Variants in BRD10 observed in about 807,000 individuals in gnomAD.
The protein encoded by BRD10 is uncharacterized bromodomain-containing protein 10.
chr9:5,884,155 T>C, the BRD10 span, among the ~76,000 whole-genome samples: 5 of 152,224 alleles, frequency 3.3e-5, no homozygotes, highest in Admixed American at 3.3e-4. Flanking sequence ...AGATCTCACA[T>C]TGGTATGATT....
At chr9:5,968,802 A>G in the BRD10 span, 1 of 1,613,964 alleles carries the variant, frequency 6.2e-7, no homozygotes, top group Non-Finnish European at 8.5e-7. Flanking sequence ...TCTGCACCAC[A>G]GAACTGTGGA....
the BRD10 span, among the ~76,000 whole-genome samples, chr9:5,884,260 A>C: frequency 2.0e-5 from 3 of 152,356 alleles, no homozygotes; most frequent in Non-Finnish European, 2.9e-5. Flanking sequence ...AAATAGATTT[A>C]CTGCAAGTCT....
At chr9:5,918,926 C>A in the BRD10 span, 1 of 152,380 alleles carries the variant, frequency 6.6e-6, no homozygotes, top group Admixed American at 6.6e-5. Context: ...ATTTCCCACC[C>A]TTAATTCTTT....
chr9:6,004,234 C>G, the BRD10 span, among the ~76,000 whole-genome samples: 3 of 152,178 alleles, frequency 2.0e-5, no homozygotes, highest in African/African-American at 7.2e-5. Flanking sequence ...TCCTCTTGTA[C>G]TTTGTTCATA....
the BRD10 span, among the ~76,000 whole-genome samples, chr9:5,931,761 T>A: frequency 2.6e-5 from 4 of 152,222 alleles, no homozygotes; most frequent in African/African-American, 9.6e-5. Context: ...AAATGCTTTG[T>A]CTAGCAGATA....
the BRD10 span, chr9:5,919,642 AC>A: frequency 2.0e-6 from 3 of 1,535,944 alleles, no homozygotes. Context: ...GGGAGTCAAA[AC>A]AATGCCCCAT....
chr9:5,928,571 C>G, the BRD10 span, among the ~76,000 whole-genome samples: 1 of 152,128 alleles, frequency 6.6e-6, no homozygotes, highest in Admixed American at 6.6e-5. Flanking sequence ...TGCATCTCCA[C>G]TAAACGCCAA....
chr9:5,952,081 C>T, the BRD10 span, among the ~76,000 whole-genome samples: 2 of 151,828 alleles, frequency 1.3e-5, no homozygotes, highest in East Asian at 1.9e-4. Flanking sequence ...AGTGCAATGG[C>T]GTGATGTTGG....
At chr9:5,919,932 C>T in the BRD10 span, 1 of 1,613,924 alleles carries the variant, frequency 6.2e-7, no homozygotes, top group South Asian at 1.1e-5. Context: ...GGGCAAATGG[C>T]AGAAACCAAA....
At chr9:5,914,597 G>T in the BRD10 span, among the ~76,000 whole-genome samples, 5 of 151,494 alleles carry the variant, frequency 3.3e-5, 1 homozygote, top group East Asian at 9.7e-4. Context: ...CTAATTTTTT[G>T]TATTTTTAGT....
At chr9:5,933,829 G>C in the BRD10 span, 4 of 471,170 alleles carry the variant, frequency 8.5e-6, no homozygotes, top group East Asian at 1.4e-4. Flanking sequence ...ACTGGCTGGA[G>C]TGTGGCAAGG....
the BRD10 span, among the ~76,000 whole-genome samples, chr9:5,885,942 T>C: frequency 1.3e-5 from 2 of 152,196 alleles, no homozygotes; most frequent in Non-Finnish European, 2.9e-5. Context: ...TTTCTGGGAT[T>C]TTCAGGCATA....
At chr9:5,993,212 G>A in the BRD10 span, among the ~76,000 whole-genome samples, 1 of 151,354 alleles carries the variant, frequency 6.6e-6, no homozygotes, top group African/African-American at 2.4e-5. Flanking sequence ...CTACTCAGGA[G>A]GCTGAGGCAG....
the BRD10 span, among the ~76,000 whole-genome samples, chr9:5,930,699 T>A: frequency 6.6e-6 from 1 of 152,128 alleles, no homozygotes; most frequent in East Asian, 1.9e-4. Context: ...GAAAAGTAAT[T>A]TTTATTTCAT....
chr9:5,906,436 T>G, the BRD10 span, among the ~76,000 whole-genome samples: 1 of 152,232 alleles, frequency 6.6e-6, no homozygotes, highest in African/African-American at 2.4e-5. Flanking sequence ...GGTTCTGACC[T>G]ATGTTATTTT....
the BRD10 span, among the ~76,000 whole-genome samples, chr9:5,994,505 G>C: frequency 6.6e-6 from 1 of 152,126 alleles, no homozygotes; most frequent in Non-Finnish European, 1.5e-5. Flanking sequence ...TATTTTCCCA[G>C]TCATTACCTT....
At chr9:6,002,739 C>G in the BRD10 span, among the ~76,000 whole-genome samples, 1 of 150,748 alleles carries the variant, frequency 6.6e-6, no homozygotes, top group African/African-American at 2.4e-5. Flanking sequence ...TGCAGCAGCA[C>G]CATCTCGGCT....
At chr9:5,988,300 A>T in the BRD10 span, 1 of 1,489,114 alleles carries the variant, frequency 6.7e-7, no homozygotes, top group Non-Finnish European at 9.3e-7. Flanking sequence ...ATGGGCACAT[A>T]AAAATTATGC....
At chr9:5,921,518 G>T in the BRD10 span, 1 of 1,613,890 alleles carries the variant, frequency 6.2e-7, no homozygotes, top group Non-Finnish European at 8.5e-7. Context: ...CAGCGCAGGT[G>T]TCATATTAAT....
Sources: allele counts gnomAD v4.1 joint callset (sites outside exome capture counted in the v4.1 genomes callset), GRCh38; gene constraint gnomAD v4.1.1; transcripts MANE v1.5; gene names NCBI Gene and HGNC (gene_info 2026-07-23, HGNC 2026-07-21).